Variants in PDE7B observed in about 807,000 individuals in gnomAD.
PDE7B encodes the protein phosphodiesterase 7B, also known as 3',5'-cyclic-AMP phosphodiesterase 7B.
Under a neutral mutation model 56.2 loss-of-function variants are expected in PDE7B, and 29 were observed. The observed-to-expected ratio is 0.52, with a 90% CI of 0.38 to 0.70. The LOEUF is 0.70. PDE7B is among the 30% of genes least tolerant of loss of function. The probability of loss-of-function intolerance (pLI) is 0.00; values close to 1 mark genes in which losing one functional copy is unlikely to be tolerated. For synonymous variants in PDE7B, 197 were observed against 196.9 expected (o/e 1.00, Z 0.00); for missense variants, 490 against 565.0 (o/e 0.87, Z 1.35).
In PDE7B at chr6:135,851,861, T is replaced by TTTTTTTTTTG; in HGVS notation, c.-129_-128insGTTTTTTTTT. 1 of 594,368 alleles carries TTTTTTTTTTG rather than the reference T, an allele frequency of 1.7e-6. No individual in the cohort carries two copies. The highest frequency in any genetic ancestry group is 3.0e-6 in the Non-Finnish European group (1 of 333,362). The allele number at this position is 594,368 out of a possible 1,614,324, so 36.8% of individuals were successfully genotyped here. A position where few individuals can be genotyped will look rare whatever the true frequency, so the allele number is the denominator to read the frequency against. On this transcript the variant is annotated 5_prime_UTR_variant, in exon 1 of 13. Transcript: ENST00000308191. ...TTTATTTCTTTTCCTTTTTTTTCTT[T>TTTTTTTTTTG]TTTTTTTTTTGTTACTTAATTATAT...
At chr6:136,005,087 A>C (rs1425030566) in intron 2 of PDE7B, among the ~76,000 whole-genome samples, 1 of 152,240 alleles carries the variant, frequency 6.6e-6, no homozygotes, top group Non-Finnish European at 1.5e-5. Flanking sequence ...AAACCTGAGA[A>C]AAACAAGCAA....
At chr6:136,171,981 G>C (rs1427252323) in intron 8 of PDE7B, among the ~76,000 whole-genome samples, 1 of 151,834 alleles carries the variant, frequency 6.6e-6, no homozygotes, top group African/African-American at 2.4e-5. Context: ...CATTTTTTAT[G>C]GCTGCATAGT....
At chr6:136,019,791 GTGT>G (rs1451945318) in intron 2 of PDE7B, among the ~76,000 whole-genome samples, 2 of 152,172 alleles carry the variant, frequency 1.3e-5, no homozygotes, top group Non-Finnish European at 2.9e-5. Flanking sequence ...AGAAAGGAAA[GTGT>G]TATTAAGAAA....
intron 3 of PDE7B, among the ~76,000 whole-genome samples, chr6:136,137,296 T>C (rs892003140): frequency 6.6e-6 from 1 of 152,040 alleles, no homozygotes; most frequent in African/African-American, 2.4e-5. Flanking sequence ...AAAAGGAAGA[T>C]AAACAAAGCC....
At chr6:136,083,646 G>C (rs1777241435) in intron 2 of PDE7B, among the ~76,000 whole-genome samples, 1 of 152,126 alleles carries the variant, frequency 6.6e-6, no homozygotes, top group Admixed American at 6.5e-5. Context: ...AAGATATTTT[G>C]AATAACTTAA....
intron 2 of PDE7B, among the ~76,000 whole-genome samples, chr6:136,102,703 G>A (rs1428887851): frequency 2.6e-5 from 4 of 152,128 alleles, no homozygotes; most frequent in Non-Finnish European, 5.9e-5. Context: ...CCTGGTGATT[G>A]AAGCTTACTT....
In PDE7B at chr6:135,968,821, A is replaced by C. The variant is rs990555178; in HGVS notation, c.82+21297A>C. Among the ~76,000 whole-genome samples, 6 of 152,354 alleles carry C rather than the reference A, an allele frequency of 3.9e-5. No homozygotes were observed. The East Asian group carries it at 5.8e-4, about 15-fold the overall frequency. On this transcript the variant is annotated intron_variant, in intron 2 of 12. Coordinates refer to ENST00000308191, the MANE Select transcript of PDE7B (RefSeq NM_018945.4). ...CCAAAAGAATATAAATCATTCTATTATAAAAACACATGCACACATAAATTC... is the reference window on the plus strand; with the variant it reads ...CCAAAAGAATATAAATCATTCTATTCTAAAAACACATGCACACATAAATTC...
At chr6:135,923,657 T>G (rs1442394810) in intron 1 of PDE7B, among the ~76,000 whole-genome samples, 3 of 152,102 alleles carry the variant, frequency 2.0e-5, no homozygotes, top group East Asian at 3.8e-4. Flanking sequence ...TATAGTGGTC[T>G]TACCACACAG....
chr6:136,188,994 A>G (rs941181793), intron 12 of PDE7B, among the ~76,000 whole-genome samples: 2 of 152,136 alleles, frequency 1.3e-5, no homozygotes, highest in Admixed American at 6.5e-5. Flanking sequence ...GATAAATGGA[A>G]CTTGGTGGAT....
chr6:135,912,988 C>A (rs1207920198), intron 1 of PDE7B, among the ~76,000 whole-genome samples: 1 of 152,112 alleles, frequency 6.6e-6, no homozygotes, highest in Non-Finnish European at 1.5e-5. Context: ...ACATCCTGGG[C>A]AAAGCAGGGA....
intron 2 of PDE7B, among the ~76,000 whole-genome samples, chr6:135,996,010 T>C (rs1392911057): frequency 6.6e-6 from 1 of 152,188 alleles, no homozygotes; most frequent in Non-Finnish European, 1.5e-5. Flanking sequence ...TTGGTGCTTT[T>C]TATTTTTATT....
intron 1 of PDE7B, among the ~76,000 whole-genome samples, chr6:135,870,522 A>AT (rs1775357643): frequency 6.6e-6 from 1 of 150,888 alleles, no homozygotes; most frequent in Non-Finnish European, 1.5e-5. Flanking sequence ...GTACTTGTGA[A>AT]ATGTACATTT....
At chr6:136,103,236 G>T (rs1033736333) in intron 2 of PDE7B, among the ~76,000 whole-genome samples, 1 of 152,172 alleles carries the variant, frequency 6.6e-6, no homozygotes, top group Non-Finnish European at 1.5e-5. Context: ...AAGATTGAAC[G>T]CCCACAGGGG....
intron 2 of PDE7B, among the ~76,000 whole-genome samples, chr6:135,977,248 T>A (rs1775202023): frequency 6.6e-6 from 1 of 152,100 alleles, no homozygotes; most frequent in Non-Finnish European, 1.5e-5. Context: ...GCTAATGATG[T>A]CTACACGATC....
In PDE7B at chr6:135,955,909, G is replaced by A. The variant is rs569975070; in HGVS notation, c.82+8385G>A. On this transcript the variant is annotated intron_variant, in intron 2 of 12. Transcript: ENST00000308191. Reference sequence around the variant, plus strand: ...GAGAATTGAATTTGCATGGGGTGGGGAGAAGTTAAATTTTAGACACAGTAA... The same window carrying A: ...GAGAATTGAATTTGCATGGGGTGGGAAGAAGTTAAATTTTAGACACAGTAA... Among the ~76,000 whole-genome samples the A allele has an allele frequency of 7.2e-5, 11 of 152,288 alleles. No individual in the cohort carries two copies. The South Asian group carries it at 2.3e-3, about 32-fold the overall frequency.
At chr6:135,896,090 C>G (rs927049857) in intron 1 of PDE7B, among the ~76,000 whole-genome samples, 1 of 152,144 alleles carries the variant, frequency 6.6e-6, no homozygotes, top group Admixed American at 6.6e-5. Context: ...AGAAGTTTAA[C>G]TGTCAAACAC....
At chr6:136,171,252 T>G (rs1192456567) in intron 8 of PDE7B, among the ~76,000 whole-genome samples, 1 of 152,152 alleles carries the variant, frequency 6.6e-6, no homozygotes, top group Non-Finnish European at 1.5e-5. Flanking sequence ...ACAGGAATGT[T>G]AAGATAATTG....
At chr6:136,182,586 G>A (rs1268663369) in intron 11 of PDE7B, among the ~76,000 whole-genome samples, 1 of 152,178 alleles carries the variant, frequency 6.6e-6, no homozygotes, top group Non-Finnish European at 1.5e-5. Flanking sequence ...TGCCCAGCAT[G>A]ATTAAAGTAC....
At chr6:136,097,826 T>A (rs1282602810) in intron 2 of PDE7B, among the ~76,000 whole-genome samples, 2 of 151,858 alleles carry the variant, frequency 1.3e-5, no homozygotes, top group Non-Finnish European at 2.9e-5. Context: ...CTTGGCTTTG[T>A]TATGATCTCT....
Sources: allele counts gnomAD v4.1 joint callset (sites outside exome capture counted in the v4.1 genomes callset), GRCh38; gene constraint gnomAD v4.1.1; transcripts MANE v1.5; gene names NCBI Gene and HGNC (gene_info 2026-07-23, HGNC 2026-07-21).